The following KAT14 variants were observed in gnomAD, a reference collection of about 807,000 sequenced individuals.
KAT14 encodes lysine acetyltransferase 14, also known as cysteine-rich protein 2-binding protein.
Under a neutral mutation model 78.4 loss-of-function variants are expected in KAT14, and 66 were observed. The ratio of observed to expected loss-of-function variants is 0.84; its 90% CI spans 0.69 to 1.03. The LOEUF is 1.03. KAT14 is among the 50% of genes least tolerant of loss of function. The pLI is 0.00. For synonymous variants in KAT14, 344 were observed against 359.4 expected, an observed-to-expected ratio of 0.96 and a Z score of 0.48; for missense variants, 870 against 972.5, an observed-to-expected ratio of 0.89 and a Z score of 1.40.
At chr20:18,154,668 G>A (rs1166719424) in intron 4 of KAT14, among the ~76,000 whole-genome samples, 1 of 152,042 alleles carries the variant, frequency 6.6e-6, no homozygotes, top group Admixed American at 6.6e-5. Context: ...TACTATGAAT[G>A]TGTACTATCA....
At chr20:18,137,839 C>T, upstream of KAT14, 1 of 1,100,002 alleles carries the variant, frequency 9.1e-7, no homozygotes. Flanking sequence ...CACGCGACGG[C>T]TGGGGCTCTG....
chr20:18,165,220 T>TA (rs35693023), intron 7 of KAT14, among the ~76,000 whole-genome samples: 7 of 151,932 alleles, frequency 4.6e-5, no homozygotes, highest in East Asian at 1.9e-4. Flanking sequence ...ACTTTTCGTT[T>TA]AAAAAAATAC....
At chr20:18,183,964 T>C (rs1461256644) in intron 9 of KAT14, among the ~76,000 whole-genome samples, 1 of 152,228 alleles carries the variant, frequency 6.6e-6, no homozygotes, top group Non-Finnish European at 1.5e-5. Context: ...GTGTCGTCTT[T>C]ATTGTCACAT....
intron 7 of KAT14, among the ~76,000 whole-genome samples, chr20:18,166,415 G>A (rs2038643602): frequency 6.6e-6 from 1 of 152,244 alleles, no homozygotes; most frequent in Non-Finnish European, 1.5e-5. Flanking sequence ...AAGGGGCGTA[G>A]ACTGTGGGCT....
chr20:18,137,920 G>T lies in KAT14; in HGVS notation c.-585G>T, dbSNP rs746299311. ...CTGCGGCGGCCTCTGCGCCTCGGGC[G>T]GGCGGGAGAGAGAGGCCGCGGCCGC... On this transcript the variant is annotated 5_prime_UTR_variant, in exon 1 of 11. Transcript: ENST00000688188. 4 of 1,467,754 alleles carry T rather than the reference G, an allele frequency of 2.7e-6. No individual in the cohort carries two copies. The South Asian group carries it at 5.2e-5, about 19-fold the overall frequency. 90.9% of individuals were successfully genotyped at this position (1,467,754 alleles called of 1,614,324 possible). A position where few individuals can be genotyped will look rare whatever the true frequency, so the allele number is the denominator to read the frequency against.
intron 8 of KAT14, 33 bp from the exon 9 acceptor site, chr20:18,183,085 TCTTGA>T: frequency 5.1e-6 from 8 of 1,572,698 alleles, no homozygotes; most frequent in Non-Finnish European, 6.9e-6. Context: ...CAGGTATTTT[TCTTGA>T]CTTGAATTTG....
At chr20:18,150,673 G>A in intron 3 of KAT14, 148 bp from the exon 4 acceptor site, 1 of 1,311,432 alleles carries the variant, frequency 7.6e-7, no homozygotes, top group African/African-American at 1.5e-5. Flanking sequence ...TTCTACCCTG[G>A]GAATATTCCA....
At chr20:18,138,553 TG>T in intron 1 of KAT14, 1 of 752,122 alleles carries the variant, frequency 1.3e-6, no homozygotes, top group Non-Finnish European at 1.6e-6. Flanking sequence ...TTTTATCCCA[TG>T]GTAAGGGAGC....
rs749665553 is a variant in KAT14 at position 18,184,774 on chromosome 20, G to T, written c.2154G>T (p.Met718Ile). 147 of 1,607,484 alleles carry T rather than the reference G, an allele frequency of 9.1e-5. No individual in the cohort carries two copies. Among genetic ancestry groups the T allele is most frequent in the Non-Finnish European group, 1.2e-4 (136 of 1,178,000 alleles). ...GAAGAGCAGGGATTGCAACTTTCAT[G>T]ATCTATCATCTGATTCAGGTAAGTT... ...EWRRAGIATF[M>I]IYHLIQTCMG... The change falls in exon 10 of 11, where the codon ATG (methionine) becomes ATT (isoleucine). Residue 718 changes from methionine (M) to isoleucine (I), a missense_variant. By Grantham distance (10) the Met-to-Ile change is conservative (BLOSUM62 1). Coordinates refer to ENST00000688188, the MANE Select transcript of KAT14 (RefSeq NM_001392073.1).
chr20:18,179,151 C>A (rs1246469217), intron 7 of KAT14, among the ~76,000 whole-genome samples: 1 of 152,220 alleles, frequency 6.6e-6, no homozygotes, highest in African/African-American at 2.4e-5. Flanking sequence ...AGCTCCACCC[C>A]TGTGGCTTTG....
intron 3 of KAT14, among the ~76,000 whole-genome samples, chr20:18,148,100 G>A (rs1391677480): frequency 6.6e-6 from 1 of 152,178 alleles, no homozygotes; most frequent in African/African-American, 2.4e-5. Context: ...GTCTTGAATG[G>A]ACTCCATTGA....
At position 18,162,039 on chromosome 20, in the gene KAT14, A is replaced by G. The variant is rs772408616; in HGVS notation, c.899A>G (p.Asp300Gly). The G allele has an allele frequency of 6.2e-7, 1 of 1,614,248 alleles. No individual in the cohort carries two copies. Among genetic ancestry groups the G allele is most frequent in the Non-Finnish European group, 8.5e-7 (1 of 1,180,044 alleles). Residue 300 changes from aspartate (D) to glycine (G), a missense_variant, in exon 6 of 11, where the codon GAT becomes GGT. Physicochemically the swap from Asp to Gly is moderately conservative, Grantham distance 94. Transcript: ENST00000688188. ...VKFISRGRRP[D>G]VILEKGEVID... ...TTCATAAGCCGAGGCCGCAGGCCAG[A>G]TGTGATTCTGGAAAAAGGCGAAGTG... is the stretch of plus-strand genomic sequence containing the variant.
chr20:18,159,190 A>T lies in KAT14; in HGVS notation c.607A>T (p.Lys203Ter). 6.2e-7 allele frequency: 1 copy of T among 1,614,128 alleles called. No homozygotes were observed. Among genetic ancestry groups the T allele is most frequent in the Non-Finnish European group, 8.5e-7 (1 of 1,179,994 alleles). ...AQEFGEPGWW[K>*]LVHNKPPTMK... is the part of the protein sequence containing the mutation. ...GGAATTTGGAGAGCCAGGATGGTGG[A>T]AACTTGTTCATAACAAGCCCCCAAC... is the stretch of plus-strand genomic sequence containing the variant. Residue 203 changes from lysine (K) to a stop codon, truncating the protein, a stop_gained, in exon 5 of 11, where the codon AAA becomes TAA. Transcript: ENST00000688188. LOFTEE classifies it high-confidence loss of function.
intron 7 of KAT14, among the ~76,000 whole-genome samples, chr20:18,166,629 A>G (rs1176104513): frequency 6.6e-6 from 1 of 152,204 alleles, no homozygotes; most frequent in Non-Finnish European, 1.5e-5. Context: ...CTTGGGTCAC[A>G]CTTGTTCACC....
chr20:18,150,932 CT>C lies in KAT14; in HGVS notation c.491del (p.Leu164GlnfsTer49), dbSNP rs765509689. The C allele has an allele frequency of 1.4e-5, 22 of 1,613,926 alleles. No individual in the cohort carries two copies. Among genetic ancestry groups the C allele is most frequent in the Non-Finnish European group, 1.9e-5 (22 of 1,179,894 alleles). On this transcript the variant is annotated frameshift_variant, in exon 4 of 11. Coordinates refer to ENST00000688188, the MANE Select transcript of KAT14 (RefSeq NM_001392073.1). LOFTEE classifies it high-confidence loss of function. Reference sequence around the variant, plus strand: ...TATTGAGAAACATTGGACTTTTTTACTAGGGAATAGGTAATGTGTTTTTAAA... The same window carrying C: ...TATTGAGAAACATTGGACTTTTTTACAGGGAATAGGTAATGTGTTTTTAAA... The part of the protein sequence containing the change: ...AFIEKHWTFL[L>X]GNRKKTSTWW...
intron 7 of KAT14, among the ~76,000 whole-genome samples, chr20:18,168,908 T>G (rs1400268339): frequency 6.6e-6 from 1 of 152,198 alleles, no homozygotes; most frequent in Non-Finnish European, 1.5e-5. Context: ...CTTCTATTCC[T>G]TTCTGTCTTC....
upstream of KAT14, among the ~76,000 whole-genome samples, chr20:18,137,572 TC>T (rs1024875452): frequency 6.6e-6 from 1 of 151,728 alleles, no homozygotes; most frequent in African/African-American, 2.4e-5. Flanking sequence ...GGGAGAGGGG[TC>T]AGCACGGTAT....
intron 5 of KAT14, among the ~76,000 whole-genome samples, 169 bp downstream of exon 5, chr20:18,159,434 C>T (rs1216558038): frequency 2.0e-5 from 3 of 152,214 alleles, no homozygotes; most frequent in Non-Finnish European, 4.4e-5. Context: ...ATAAATGCCA[C>T]ATAAAAACAT....
intron 7 of KAT14, among the ~76,000 whole-genome samples, chr20:18,171,730 T>C (rs1007710448): frequency 3.9e-5 from 6 of 152,176 alleles, no homozygotes; most frequent in Non-Finnish European, 7.3e-5. Context: ...GAGAATCGCT[T>C]GAACCTGGGA....
Sources: gnomAD v4.1 joint callset for allele counts (sites outside exome capture counted in the v4.1 genomes callset) on GRCh38, gnomAD v4.1.1 for gene constraint, MANE v1.5 for transcripts, NCBI Gene and HGNC (gene_info 2026-07-23, HGNC 2026-07-21) for gene names.